Variants in RUNX1T1 observed in about 807,000 individuals in gnomAD.
RUNX1T1 encodes the protein protein CBFA2T1.
A neutral mutation model predicts 62.8 loss-of-function variants in RUNX1T1; 4 were observed. That is an observed-to-expected ratio of 0.06 (90% CI 0.03 to 0.15). RUNX1T1 has a LOEUF of 0.15. RUNX1T1 is among the 10% of genes least tolerant of loss of function. The pLI is 1.00. For missense variants in RUNX1T1, 508 were observed against 754.3 expected (o/e 0.67, Z 3.82); for synonymous variants, 291 against 286.0 (o/e 1.02, Z -0.18).
chr8:92,021,990 C>A (rs1031000413), intron 1 of RUNX1T1, among the ~76,000 whole-genome samples: 2 of 151,370 alleles, frequency 1.3e-5, no homozygotes, highest in Admixed American at 6.6e-5. Context: ...CTGCCCCGAG[C>A]AACAGCCATA....
intron 1 of RUNX1T1, among the ~76,000 whole-genome samples, chr8:92,030,895 C>G (rs1826096124): frequency 6.6e-6 from 1 of 152,182 alleles, no homozygotes; most frequent in African/African-American, 2.4e-5. Flanking sequence ...TGCCAGGTGT[C>G]CATATCTCCA....
In RUNX1T1 at chr8:92,078,295, C is replaced by T. The variant is rs532427566; in HGVS notation, c.-85-2158G>A. ...TATCTCCAACACATTAAATGCCCTTCCAATATGAAATAATAATAAAATAAG... is the reference window on the plus strand; with the variant it reads ...TATCTCCAACACATTAAATGCCCTTTCAATATGAAATAATAATAAAATAAG... On this transcript the variant is annotated intron_variant, in intron 1 of 11. Coordinates refer to the RUNX1T1 transcript ENST00000265814. Among the ~76,000 whole-genome samples the T allele has an allele frequency of 8.9e-4, 135 of 151,870 alleles. 1 individual carries two copies. The highest frequency in any genetic ancestry group is 7.1e-3 in the South Asian group (34 of 4,792).
exon 9 of RUNX1T1, chr8:91,975,967 T>C (rs1813835792): frequency 6.2e-7 from 1 of 1,611,910 alleles, no homozygotes; most frequent in African/African-American, 1.3e-5. Context: ...GAATTCCCGA[T>C]GCGCGTCTAT....
intron 1 of RUNX1T1, among the ~76,000 whole-genome samples, chr8:92,056,374 T>C (rs1831035781): frequency 6.6e-6 from 1 of 152,206 alleles, no homozygotes; most frequent in South Asian, 2.1e-4. Context: ...GCTGATTATA[T>C]AGCTCTTAAA....
chr8:92,014,547 CAA>C, intron 3 of RUNX1T1, 30 bp downstream of exon 4: 1 of 1,565,534 alleles, frequency 6.4e-7, no homozygotes. Context: ...TCCCTTACAC[CAA>C]GAAAACTGGG....
At chr8:92,041,284 A>G (rs1828405516) in intron 1 of RUNX1T1, among the ~76,000 whole-genome samples, 1 of 152,200 alleles carries the variant, frequency 6.6e-6, no homozygotes, top group Non-Finnish European at 1.5e-5. Context: ...ATACTATTCG[A>G]CTAACACCTC....
In RUNX1T1 at chr8:92,007,580, C is replaced by T. The variant is rs954602711; in HGVS notation, c.478-2283G>A. Among the ~76,000 whole-genome samples the T allele has an allele frequency of 2.6e-5, 4 of 152,250 alleles. No homozygotes were observed. The East Asian group carries it at 5.8e-4, about 22-fold the overall frequency. ...GTCACGCAAACATCAAAAGCGGGTA[C>T]TTAAACCTAGTACTACACACCTAGA... On this transcript the variant is annotated intron_variant, in intron 4 of 10. Coordinates refer to ENST00000396218, the Ensembl canonical transcript of RUNX1T1.
rs1241347698 is a variant in RUNX1T1 at position 91,970,862 on chromosome 8, A to G, written c.1268-14T>C. 6.3e-7 allele frequency: 1 copy of G among 1,579,468 alleles called. No homozygotes were observed. ...TGACGGCCTCCTCTGTGTGCCAGTC[A>G]GGCCAAACCAGACAAGAAAACACCT... On this transcript the variant is annotated splice_polypyrimidine_tract_variant and intron_variant, in intron 9 of 10. Coordinates refer to ENST00000396218, the Ensembl canonical transcript of RUNX1T1.
chr8:91,994,492 T>C (rs1189896772), intron 5 of RUNX1T1: 2 of 401,768 alleles, frequency 5.0e-6, no homozygotes, highest in African/African-American at 2.0e-5. Flanking sequence ...CCTACCTTAC[T>C]GGCATTGTGG....
At position 92,060,522 on chromosome 8, in the gene RUNX1T1, A is replaced by AATATATAT. The variant is rs61066655; in HGVS notation, c.7+2016_7+2023dup. On this transcript the variant is annotated intron_variant, in intron 1 of 10. Transcript: ENST00000396218. The stretch of plus-strand genomic sequence containing the variant: ...ATTAGTTCTGATACTTCAACTACCA[A>AATATATAT]ATATATATATATATATATATATATA... Among the ~76,000 whole-genome samples the AATATATAT allele has an allele frequency of 3.4e-3, 257 of 76,254 alleles. 2 individuals are homozygous for AATATATAT. The highest frequency in any genetic ancestry group is 7.6e-3 in the Middle Eastern group (1 of 132). The allele number at this position is 76,254 out of a possible 152,430, so 50.0% of individuals were successfully genotyped here.
intron 1 of RUNX1T1, among the ~76,000 whole-genome samples, chr8:92,078,489 A>T (rs1275662458): frequency 6.6e-6 from 1 of 152,168 alleles, no homozygotes; most frequent in Non-Finnish European, 1.5e-5. Flanking sequence ...ACATACTGAG[A>T]AAAGTTTAAA....
chr8:91,993,245 A>G (rs909195743), intron 5 of RUNX1T1, among the ~76,000 whole-genome samples: 14 of 152,166 alleles, frequency 9.2e-5, no homozygotes, highest in Non-Finnish European at 2.1e-4. Flanking sequence ...TCAGGTGGAA[A>G]CTGAATCAAC....
At chr8:92,087,136 G>A (rs1047259879) in intron 1 of RUNX1T1, among the ~76,000 whole-genome samples, 1 of 152,066 alleles carries the variant, frequency 6.6e-6, no homozygotes, top group Admixed American at 6.6e-5. Flanking sequence ...CTGCTTTTAT[G>A]GTGGTTAGGG....
intron 9 of RUNX1T1, among the ~76,000 whole-genome samples, chr8:91,973,279 G>A (rs1813234170): frequency 6.6e-6 from 1 of 151,670 alleles, no homozygotes; most frequent in Admixed American, 6.6e-5. Flanking sequence ...GAGGATGAAA[G>A]GGAGGAAAAG....
rs146067201 is a variant in RUNX1T1, at chr8:92,095,328, C to G, written c.-86+4252G>C. 5 of 1,532,536 alleles carry G rather than the reference C, an allele frequency of 3.3e-6. No individual in the cohort carries two copies. The African/African-American group carries it at 5.5e-5, about 17-fold the overall frequency. 94.9% of individuals were successfully genotyped at this position (1,532,536 alleles called of 1,614,324 possible). On this transcript the variant is annotated intron_variant, in intron 1 of 11. Coordinates refer to the RUNX1T1 transcript ENST00000265814. ...TCCTTCCTCCCTGCTCGCCTCCCTC[C>G]CCTGTTCACGGAGATTACCTTCTGG... is the stretch of plus-strand genomic sequence containing the variant.
chr8:91,955,077 G>C (rs1326427432), downstream of RUNX1T1: 1 of 210,222 alleles, frequency 4.8e-6, no homozygotes, highest in South Asian at 1.9e-4. Flanking sequence ...CAGGGAAATA[G>C]CTCAATGTTC....
At chr8:91,986,754 G>C (rs1410950656) in intron 7 of RUNX1T1, 133 bp downstream of exon 8, 2 of 660,978 alleles carry the variant, frequency 3.0e-6, no homozygotes, top group Non-Finnish European at 5.4e-6. Flanking sequence ...AGATATTCTC[G>C]CTCATTTTTT....
chr8:92,091,787 G>C (rs934537272), intron 1 of RUNX1T1, among the ~76,000 whole-genome samples: 7 of 152,156 alleles, frequency 4.6e-5, no homozygotes, highest in African/African-American at 1.7e-4. Flanking sequence ...TTCCTTAAAA[G>C]CATACTTCTT....
At chr8:92,053,252 T>C (rs1486535573) in intron 1 of RUNX1T1, among the ~76,000 whole-genome samples, 2 of 152,190 alleles carry the variant, frequency 1.3e-5, no homozygotes, top group Non-Finnish European at 2.9e-5. Context: ...ATTATTGATA[T>C]AAGAAACTAT....
Sources: gnomAD v4.1 joint callset for allele counts (sites outside exome capture counted in the v4.1 genomes callset) on GRCh38, gnomAD v4.1.1 for gene constraint, MANE v1.5 for transcripts, NCBI Gene and HGNC (gene_info 2026-07-23, HGNC 2026-07-21) for gene names.